NBEAL2: variants seen among roughly 807,000 people sequenced by gnomAD.
The protein encoded by NBEAL2 is neurobeachin like 2, also known as neurobeachin-like protein 2.
Under a neutral mutation model 299.8 loss-of-function variants are expected in NBEAL2, and 160 were observed. That is an observed-to-expected ratio of 0.53 (90% CI 0.47 to 0.61). The LOEUF is 0.61. NBEAL2 is among the 20% of genes least tolerant of loss of function. The pLI, the probability that NBEAL2 is intolerant of heterozygous loss-of-function variation, is 0.00. For missense variants in NBEAL2, 3,112 were observed against 3,649.0 expected, an observed-to-expected ratio of 0.85 and a Z score of 3.79; for synonymous variants, 1,493 against 1,542.3, an observed-to-expected ratio of 0.97 and a Z score of 0.75.
In NBEAL2 at chr3:46,998,858, G is replaced by A. The variant is rs750860195; in HGVS notation, c.3363G>A (p.Ala1121=). 39 of 1,587,928 alleles carry A rather than the reference G, an allele frequency of 2.5e-5. No homozygotes were observed. Among genetic ancestry groups the A allele is most frequent in the Admixed American group, 2.0e-4 (11 of 55,638 alleles). ...QVTQTMLSFL[A]ATGDDGQAVG... is the part of the protein sequence containing the mutation. ...CGCAGACCATGCTGAGCTTTTTGGCGGCCACAGGCGATGACGGTCAGGTAG... is the reference window on the plus strand; with the variant it reads ...CGCAGACCATGCTGAGCTTTTTGGCAGCCACAGGCGATGACGGTCAGGTAG... The change falls in exon 23 of 54, where the codon GCG becomes GCA. Residue 1121 remains alanine (A), a synonymous_variant. Transcript: ENST00000450053.
chr3:47,005,519 G>T lies in NBEAL2; in HGVS notation c.6591G>T (p.Ser2197=), dbSNP rs554449998. ...ACTGCTCCGACCGGCAGTTCCACTC[G>T]GTGGCGGCAGCCTGGCAGGCACGCC... is the stretch of plus-strand genomic sequence containing the variant. ...RFDCSDRQFH[S]VAAAWQARLE... The change falls in exon 41 of 54, where the codon TCG becomes TCT. Residue 2197 remains serine (S), a synonymous_variant. Transcript: ENST00000450053. 6 of 1,611,182 alleles carry T rather than the reference G, an allele frequency of 3.7e-6. No homozygotes were observed. Among genetic ancestry groups the T allele is most frequent in the South Asian group, 1.1e-5 (1 of 90,684 alleles).
Position 46,979,686 on chromosome 3 carries a change from A to G in NBEAL2, c.-176A>G. On this transcript the variant is annotated 5_prime_UTR_variant, in exon 1 of 54. Transcript: ENST00000450053. ...CCGGCAGTGAGGAGGAGGAGCGAGC[A>G]GACTTGGGTGGCTCTGCGCCGCGGA... 1 of 315,282 alleles carries G rather than the reference A, an allele frequency of 3.2e-6. No homozygotes were observed. The highest frequency in any genetic ancestry group is 5.8e-6 in the Non-Finnish European group (1 of 172,334). 19.5% of individuals were successfully genotyped at this position (315,282 alleles called of 1,614,324 possible). A position where few individuals can be genotyped will look rare whatever the true frequency, so the allele number is the denominator to read the frequency against.
At chr3:46,980,390 G>A (rs1186688220) in intron 1 of NBEAL2, among the ~76,000 whole-genome samples, 2 of 152,136 alleles carry the variant, frequency 1.3e-5, no homozygotes, top group Non-Finnish European at 2.9e-5. Context: ...CCAAGGTAGG[G>A]AGGTGTGTGG....
chr3:46,987,709 C>G (rs1448925276), intron 1 of NBEAL2, among the ~76,000 whole-genome samples: 1 of 152,176 alleles, frequency 6.6e-6, no homozygotes, highest in Non-Finnish European at 1.5e-5. Context: ...GCAGCAGGAT[C>G]AGAACCCTCA....
Position 47,004,674 on chromosome 3 carries a change from T to G in NBEAL2, c.6294+84T>G, listed in dbSNP as rs998987827. 7.2e-6 allele frequency: 10 copies of G among 1,390,784 alleles called. No individual in the cohort carries two copies. Among genetic ancestry groups the G allele is most frequent in the South Asian group, 1.2e-5 (1 of 85,700 alleles). 86.2% of individuals were successfully genotyped at this position (1,390,784 alleles called of 1,614,324 possible). ...TCCCCCAAGTGTAGGTACCTGCCAG[T>G]GGGCCAAGCTCTGAGCTTGGTCAAG... On this transcript the variant is annotated intron_variant, in intron 38 of 53. Transcript: ENST00000450053. The surrounding 1 kb of genome is among the most constrained non-coding windows in gnomAD (Gnocchi z 5.0).
chr3:46,987,935 C>T (rs763040242), intron 1 of NBEAL2: 9 of 1,213,692 alleles, frequency 7.4e-6, no homozygotes, highest in Admixed American at 2.6e-5. Flanking sequence ...CCTCCCCCAC[C>T]GTGACTCTGC....
chr3:47,001,480 G>A lies in NBEAL2; in HGVS notation c.4644+42G>A. The A allele has an allele frequency of 6.3e-7, 1 of 1,594,810 alleles. No individual in the cohort carries two copies. Among genetic ancestry groups the A allele is most frequent in the Non-Finnish European group, 8.5e-7 (1 of 1,172,320 alleles). On this transcript the variant is annotated intron_variant, in intron 29 of 53. Transcript: ENST00000450053. The surrounding 1 kb of genome is among the most constrained non-coding windows in gnomAD (Gnocchi z 6.1). Reference sequence around the variant, plus strand: ...AGGCGTGAGCCACATGAACACTCATGTTCATGCAAGCCTGCAGGGATCTGG... The same window carrying A: ...AGGCGTGAGCCACATGAACACTCATATTCATGCAAGCCTGCAGGGATCTGG...
At chr3:46,996,190 G>T in intron 15 of NBEAL2, 81 bp from the exon 16 acceptor site, 3 of 1,576,756 alleles carry the variant, frequency 1.9e-6, no homozygotes, top group African/African-American at 2.7e-5. Flanking sequence ...GCAGCCATGG[G>T]GGTCACTGTG....
chr3:47,002,768 C>T lies in NBEAL2; in HGVS notation c.5425C>T (p.Gln1809Ter). Residue 1809 changes from glutamine (Q) to a stop codon, truncating the protein, a stop_gained, in exon 33 of 54, where the codon CAG becomes TAG. Coordinates refer to ENST00000450053, the MANE Select transcript of NBEAL2 (RefSeq NM_015175.3). LOFTEE classifies it high-confidence loss of function. ...ALLHWGALWR[Q>*]LASPCGAWAL... ...GCTGCACTGGGGGGCGCTGTGGCGC[C>T]AGCTCGCCAGCCCATGTGGGGCCTG... The T allele has an allele frequency of 6.4e-7, 1 of 1,565,516 alleles. No homozygotes were observed. Among genetic ancestry groups the T allele is most frequent in the Non-Finnish European group, 8.6e-7 (1 of 1,160,836 alleles).
intron 22 of NBEAL2, 47 bp downstream of exon 22, chr3:46,998,612 C>T (rs1398039073): frequency 1.3e-6 from 2 of 1,582,984 alleles, no homozygotes; most frequent in East Asian, 4.6e-5. Context: ...GACACAGTGG[C>T]CTCCGGCCTT....
Position 47,004,724 on chromosome 3 carries a change from G to A in NBEAL2, c.6294+134G>A. On this transcript the variant is annotated intron_variant, in intron 38 of 53. Transcript: ENST00000450053. The surrounding 1 kb of genome is among the most constrained non-coding windows in gnomAD (Gnocchi z 5.0). ...GGGTAGATGTGCCAATGAAGACCTG[G>A]CCTCTGTTCCCTGCCAACCCCCAGA... is the stretch of plus-strand genomic sequence containing the variant. 1.0e-6 allele frequency: 1 copy of A among 1,005,014 alleles called. No individual in the cohort carries two copies. Among genetic ancestry groups the A allele is most frequent in the Non-Finnish European group, 1.5e-6 (1 of 657,358 alleles). The allele number at this position is 1,005,014 out of a possible 1,614,324, so 62.3% of individuals were successfully genotyped here. A position where few individuals can be genotyped will look rare whatever the true frequency, so the allele number is the denominator to read the frequency against.
chr3:47,008,985 C>T lies in NBEAL2; in HGVS notation c.8028-4C>T. 1 of 1,598,984 alleles carries T rather than the reference C, an allele frequency of 6.3e-7. No individual in the cohort carries two copies. The highest frequency in any genetic ancestry group is 2.2e-5 in the East Asian group (1 of 44,882). On this transcript the variant is annotated splice_region_variant and splice_polypyrimidine_tract_variant and intron_variant, in intron 52 of 53. Transcript: ENST00000450053. ...AGTTGGTGTATATCCCCTCTCCCTT[C>T]CAGACTGCTCCCGGCCGCGCCTCCC...
chr3:46,998,019 C>A, intron 20 of NBEAL2, 48 bp from the exon 21 acceptor site: 1 of 1,514,396 alleles, frequency 6.6e-7, no homozygotes, highest in Non-Finnish European at 8.9e-7. Flanking sequence ...GCTCAGACAG[C>A]AGACAGGCAG....
At position 46,999,448 on chromosome 3, in the gene NBEAL2, G is replaced by A. The variant is rs1188788989; in HGVS notation, c.3677G>A (p.Gly1226Asp). The A allele has an allele frequency of 1.3e-6, 2 of 1,581,110 alleles. No individual in the cohort carries two copies. Among genetic ancestry groups the A allele is most frequent in the African/African-American group, 1.3e-5 (1 of 74,148 alleles). The change falls in exon 25 of 54, where the codon GGC (glycine) becomes GAC (aspartate). Residue 1226 changes from glycine to aspartate, a missense_variant. Gly to Asp is a moderately conservative substitution (Grantham distance 94, BLOSUM62 -1). Transcript: ENST00000450053. ...EGTVSPQLCQ[G>D]LYKLFLGADC... is the part of the protein sequence containing the mutation. Reference sequence around the variant, plus strand: ...ACTGTTTCCCCCCAGCTCTGCCAGGGCCTCTACAAGCTGTTCCTGGGGGCA... The same window carrying A: ...ACTGTTTCCCCCCAGCTCTGCCAGGACCTCTACAAGCTGTTCCTGGGGGCA...
intron 1 of NBEAL2, among the ~76,000 whole-genome samples, chr3:46,981,319 G>C (rs1209415020): frequency 1.3e-5 from 2 of 152,172 alleles, no homozygotes; most frequent in Non-Finnish European, 2.9e-5. Context: ...GGGTGTGCCT[G>C]TAATCCCAGC....
Position 47,008,157 on chromosome 3 carries a change from G to C in NBEAL2, c.7690G>C (p.Glu2564Gln), listed in dbSNP as rs773832890. 1.1e-5 allele frequency: 17 copies of C among 1,613,864 alleles called. No individual in the cohort carries two copies. The highest frequency in any genetic ancestry group is 1.2e-5 in the Non-Finnish European group (14 of 1,179,900). Residue 2564 changes from glutamate (E) to glutamine (Q), a missense_variant, in exon 50 of 54, where the codon GAA (glutamate) becomes CAA (glutamine). By Grantham distance (29) the Glu-to-Gln change is conservative. Transcript: ENST00000450053. ...AAVSCVAIST[E>Q]LDMAVSGSED... ...AGTGAGCTGTGTGGCCATCAGCACT[G>C]AACTTGACATGGCTGTGTCTGGATC... is the stretch of plus-strand genomic sequence containing the variant.
chr3:46,988,056 A>G lies in NBEAL2; in HGVS notation c.52-613A>G. The G allele has an allele frequency of 1.6e-6, 2 of 1,256,672 alleles. No individual in the cohort carries two copies. The highest frequency in any genetic ancestry group is 1.6e-5 in the African/African-American group (1 of 63,814). The allele number at this position is 1,256,672 out of a possible 1,614,324, so 77.8% of individuals were successfully genotyped here. On this transcript the variant is annotated intron_variant, in intron 1 of 53. Transcript: ENST00000450053. This position sits in a 1 kb window ranked among gnomAD's most constrained non-coding sequence, Gnocchi z 4.4. ...CACTGCCCCTCTTGCCCATGGAACCAGCTCTGGGGCCTGGGGTCCAGGTAA... is the reference window on the plus strand; with the variant it reads ...CACTGCCCCTCTTGCCCATGGAACCGGCTCTGGGGCCTGGGGTCCAGGTAA...
Position 47,007,713 on chromosome 3 carries a change from G to T in NBEAL2, c.7507+16G>T. On this transcript the variant is annotated intron_variant, in intron 48 of 53. Transcript: ENST00000450053. ...TGCCACCTTGGTATGAACAGCCTTG[G>T]AGCTGGGGAGAATGAGGCACACAGG... The T allele has an allele frequency of 6.2e-7, 1 of 1,609,432 alleles. No individual in the cohort carries two copies. Among genetic ancestry groups the T allele is most frequent in the Non-Finnish European group, 8.5e-7 (1 of 1,177,476 alleles).
Position 46,995,290 on chromosome 3 carries a change from C to T in NBEAL2, c.1555C>T (p.Leu519=). Residue 519 remains leucine (L), a synonymous_variant, in exon 13 of 54, where the codon CTG becomes TTG. Coordinates refer to ENST00000450053, the MANE Select transcript of NBEAL2 (RefSeq NM_015175.3). ...CCGCTGCCAAGAGCAGCTGCTGGCA[C>T]TGCTACAAGCACTGGGCCGTGTATC... ...EARCQEQLLA[L]LQALGRVSIR... 2 of 1,570,760 alleles carry T rather than the reference C, an allele frequency of 1.3e-6. No homozygotes were observed. The highest frequency in any genetic ancestry group is 1.7e-6 in the Non-Finnish European group (2 of 1,158,582).
Sources: allele counts gnomAD v4.1 joint callset (sites outside exome capture counted in the v4.1 genomes callset), GRCh38; gene constraint gnomAD v4.1.1; non-coding constraint Gnocchi (gnomAD v3.1); transcripts MANE v1.5; gene names NCBI Gene and HGNC (gene_info 2026-07-23, HGNC 2026-07-21).